The following ANKS1B variants were observed in gnomAD, a reference collection of about 807,000 sequenced individuals.
ANKS1B encodes ankyrin repeat and sterile alpha motif domain containing 1B.
Under a neutral mutation model 148.3 loss-of-function variants are expected in ANKS1B, and 36 were observed. The observed-to-expected ratio is 0.24, with a 90% confidence interval of 0.19 to 0.32. ANKS1B has a LOEUF of 0.32. ANKS1B is among the 10% of genes least tolerant of loss of function. The probability of loss-of-function intolerance (pLI) is 1.00; values close to 1 mark genes in which losing one functional copy is unlikely to be tolerated. For missense variants in ANKS1B, 1,157 were observed against 1,542.6 expected, an observed-to-expected ratio of 0.75 and a Z score of 4.19; for synonymous variants, 542 against 560.8, an observed-to-expected ratio of 0.97 and a Z score of 0.47.
At chr12:99,648,787 G>T (rs146369359) in intron 9 of ANKS1B, 2 of 1,609,170 alleles carry the variant, frequency 1.2e-6, no homozygotes, top group Non-Finnish European at 1.7e-6. Flanking sequence ...GAGGAGCCCA[G>T]TGGTGAGTCT....
chr12:99,181,690 C>T (rs2079132948), intron 14 of ANKS1B, among the ~76,000 whole-genome samples: 2 of 151,724 alleles, frequency 1.3e-5, no homozygotes, highest in Admixed American at 6.6e-5. Flanking sequence ...GGTGTATATA[C>T]TTATGGGGTA....
chr12:99,504,533 C>G lies in ANKS1B; in HGVS notation c.1381G>C (p.Ala461Pro). 2 of 1,612,922 alleles carry G rather than the reference C, an allele frequency of 1.2e-6. No individual in the cohort carries two copies. Among genetic ancestry groups the G allele is most frequent in the Non-Finnish European group, 1.7e-6 (2 of 1,179,512 alleles). The part of the protein sequence containing the change: ...ENFLCDLMDT[A>P]VTKKPCSLEI... ...AAGGAGCAAGGTTTCTTTGTAACAG[C>G]TGTGTCCATGAGATCACACAGAAAG... Residue 461 changes from alanine to proline, a missense_variant, in exon 10 of 27, where the codon GCT (alanine) becomes CCT (proline). Ala to Pro is a conservative substitution (Grantham distance 27). Coordinates refer to ENST00000683438, the MANE Select transcript of ANKS1B (RefSeq NM_001352186.2).
chr12:99,654,924 G>T, intron 9 of ANKS1B, 143 bp downstream of exon 9: 1 of 867,786 alleles, frequency 1.2e-6, no homozygotes. Context: ...CATTTTACTT[G>T]ACACTTTGAG....
intron 1 of ANKS1B, among the ~76,000 whole-genome samples, chr12:99,865,242 T>C (rs2090573891): frequency 6.6e-6 from 1 of 152,220 alleles, no homozygotes; most frequent in Non-Finnish European, 1.5e-5. Flanking sequence ...GGGAAAAGAA[T>C]ATATTTACAC....
chr12:99,329,657 C>CT (rs925640557), intron 12 of ANKS1B, among the ~76,000 whole-genome samples: 9 of 151,824 alleles, frequency 5.9e-5, no homozygotes, highest in African/African-American at 2.2e-4. Context: ...AACTTAGCTA[C>CT]TTTTGTAGGT....
At chr12:99,288,059 A>G (rs1186889757) in intron 12 of ANKS1B, among the ~76,000 whole-genome samples, 1 of 152,180 alleles carries the variant, frequency 6.6e-6, no homozygotes, top group African/African-American at 2.4e-5. Context: ...TACAAGAACA[A>G]GAAGGTTCTA....
At chr12:98,911,071 C>T (rs1596720412) in intron 17 of ANKS1B, among the ~76,000 whole-genome samples, 2 of 151,678 alleles carry the variant, frequency 1.3e-5, no homozygotes, top group African/African-American at 4.8e-5. Context: ...AAGCCCATCA[C>T]CACCATCTGG....
At chr12:99,189,815 A>G (rs1018732110) in intron 14 of ANKS1B, among the ~76,000 whole-genome samples, 2 of 152,200 alleles carry the variant, frequency 1.3e-5, no homozygotes, top group Non-Finnish European at 2.9e-5. Flanking sequence ...ACTCCTATTC[A>G]ACATAGTATT....
chr12:99,944,822 G>T (rs2095019171), intron 1 of ANKS1B, among the ~76,000 whole-genome samples: 1 of 152,048 alleles, frequency 6.6e-6, no homozygotes, highest in Admixed American at 6.6e-5. Context: ...TTCTTGCTAG[G>T]GATTGCTAGG....
At position 98,803,188 on chromosome 12, in the gene ANKS1B, T is replaced by C. The variant is rs376604083; in HGVS notation, c.3142-2063A>G. Among the ~76,000 whole-genome samples, 19 of 152,328 alleles carry C rather than the reference T, an allele frequency of 1.2e-4. No homozygotes were observed. In the East Asian group the frequency reaches 3.5e-3, roughly 28 times the overall value. On this transcript the variant is annotated intron_variant, in intron 20 of 26. Transcript: ENST00000683438. ...TTTATTTCATCTGGCTGTAACTTAC[T>C]TTTGAAAAACTAGTATAAAATTCAA...
chr12:98,859,471 A>C (rs994711573), intron 17 of ANKS1B, among the ~76,000 whole-genome samples: 3 of 152,226 alleles, frequency 2.0e-5, no homozygotes, highest in Non-Finnish European at 2.9e-5. Context: ...GCCACAAATA[A>C]GCCATTATGA....
rs568916023 is a variant in ANKS1B, at chr12:98,757,650, T to A, written c.3580-6128A>T. Among the ~76,000 whole-genome samples, 3 of 152,304 alleles carry A rather than the reference T, an allele frequency of 2.0e-5. No individual in the cohort carries two copies. In the East Asian group the frequency reaches 5.8e-4, roughly 29 times the overall value. On this transcript the variant is annotated intron_variant, in intron 25 of 26. Coordinates refer to ENST00000683438, the MANE Select transcript of ANKS1B (RefSeq NM_001352186.2). ...GCTGGCTCAAACCACTGTGCTGCAG[T>A]GAAGTCAGCAAAATCATGCTCTCAT...
chr12:99,165,607 T>C (rs769947407), intron 14 of ANKS1B, among the ~76,000 whole-genome samples: 95 of 152,070 alleles, frequency 6.2e-4, no homozygotes, highest in Middle Eastern at 3.4e-3. Flanking sequence ...TCTCTACCTA[T>C]TGAAGTAATT....
chr12:99,829,605 C>T (rs1053636292), intron 1 of ANKS1B, among the ~76,000 whole-genome samples: 2 of 152,074 alleles, frequency 1.3e-5, no homozygotes, highest in Non-Finnish European at 1.5e-5. Context: ...AAGCCGAGAT[C>T]GCACCACTGC....
chr12:99,011,586 T>C (rs2099939441), intron 17 of ANKS1B, among the ~76,000 whole-genome samples: 1 of 152,348 alleles, frequency 6.6e-6, no homozygotes, highest in Middle Eastern at 3.4e-3. Context: ...CATTGCACTG[T>C]CAATAGCCAA....
At chr12:99,178,756 C>T (rs1243850945) in intron 14 of ANKS1B, among the ~76,000 whole-genome samples, 1 of 151,962 alleles carries the variant, frequency 6.6e-6, no homozygotes, top group Non-Finnish European at 1.5e-5. Flanking sequence ...TAACTTAAGA[C>T]CATTCATGTA....
intron 17 of ANKS1B, among the ~76,000 whole-genome samples, chr12:98,936,535 G>A (rs2099818852): frequency 6.6e-6 from 1 of 152,066 alleles, no homozygotes; most frequent in Non-Finnish European, 1.5e-5. Context: ...GCTGAGGCAG[G>A]AGAATCACTT....
chr12:99,966,971 G>C (rs1412950530), intron 1 of ANKS1B, among the ~76,000 whole-genome samples: 1 of 152,130 alleles, frequency 6.6e-6, no homozygotes, highest in African/African-American at 2.4e-5. Flanking sequence ...TGGGATCAGA[G>C]GAAGATTGGC....
chr12:98,854,190 C>T (rs894271052), intron 17 of ANKS1B, among the ~76,000 whole-genome samples: 9 of 152,204 alleles, frequency 5.9e-5, no homozygotes, highest in Non-Finnish European at 1.0e-4. Context: ...CAGAAGGACT[C>T]ACAGTTGCTT....
Sources: gnomAD v4.1 joint callset for allele counts (sites outside exome capture counted in the v4.1 genomes callset) on GRCh38, gnomAD v4.1.1 for gene constraint, MANE v1.5 for transcripts, NCBI Gene and HGNC (gene_info 2026-07-23, HGNC 2026-07-21) for gene names.